Variants in TAP1 observed in about 807,000 individuals in gnomAD.
TAP1 encodes the protein transporter 1, ATP binding cassette subfamily B member, also known as antigen peptide transporter 1.
TAP1 carries 56 observed loss-of-function variants against 79.3 expected under a neutral mutation model. The observed-to-expected ratio is 0.71, with a 90% CI of 0.57 to 0.88. The LOEUF is 0.88. TAP1 is among the 40% of genes least tolerant of loss of function. The pLI, the probability that TAP1 is intolerant of heterozygous loss-of-function variation, is 0.00. For missense variants in TAP1, 737 were observed against 936.3 expected (o/e 0.79, Z 2.78); for synonymous variants, 355 against 401.4 (o/e 0.88, Z 1.38).
chr6:32,852,448 T>A lies in TAP1; in HGVS notation c.653A>T (p.Asp218Val), dbSNP rs1257807872. Residue 218 changes from aspartate (D) to valine (V), a missense_variant, in exon 2 of 11, where the codon GAT becomes GTT. Physicochemically the swap from Asp to Val is radical, Grantham distance 152. Coordinates refer to ENST00000354258, the MANE Select transcript of TAP1 (RefSeq NM_000593.6). The surrounding 1 kb of genome is among the most constrained non-coding windows in gnomAD (Gnocchi z 4.8). ...TCGAGTGAAGGTATCGGCTGAGCCA[T>A]CTTGTAGAATCCAGTCAGTGAGGCG... ...TGRLTDWILQ[D>V]GSADTFTRNL... 1.2e-6 allele frequency: 2 copies of A among 1,612,864 alleles called. No homozygotes were observed. Among genetic ancestry groups the A allele is most frequent in the Non-Finnish European group, 8.5e-7 (1 of 1,180,032 alleles).
chr6:32,852,461 AG>A lies in TAP1; in HGVS notation c.639del (p.Trp214GlyfsTer15), dbSNP rs773638152. 1 of 1,613,062 alleles carries A rather than the reference AG, an allele frequency of 6.2e-7. No homozygotes were observed. The highest frequency in any genetic ancestry group is 8.5e-7 in the Non-Finnish European group (1 of 1,180,028). ...TCGGCTGAGCCATCTTGTAGAATCCAGTCAGTGAGGCGGCCCGTAAAGAATG... is the reference window on the plus strand; with the variant it reads ...TCGGCTGAGCCATCTTGTAGAATCCATCAGTGAGGCGGCCCGTAAAGAATG... ...AIPFFTGRLT[D>X]WILQDGSADT... On this transcript the variant is annotated frameshift_variant, in exon 2 of 11. Transcript: ENST00000354258. LOFTEE classifies it high-confidence loss of function. This position sits in a 1 kb window ranked among gnomAD's most constrained non-coding sequence, Gnocchi z 4.8.
At position 32,853,527 on chromosome 6, in the gene TAP1, C is replaced by G. The variant is rs772850174; in HGVS notation, c.110G>C (p.Arg37Pro). 8.7e-6 allele frequency: 14 copies of G among 1,609,442 alleles called. No homozygotes were observed. The African/African-American group carries it at 1.7e-4, about 20-fold the overall frequency. ...LLLLADWVLL[R>P]TALPRIFSLL... is the part of the protein sequence containing the mutation. The stretch of plus-strand genomic sequence containing the variant: ...GGAGAATATGCGGGGCAGCGCGGTC[C>G]GGAGCAGCACCCAGTCGGCGAGAAG... The change falls in exon 1 of 11, where the codon CGG (arginine) becomes CCG (proline). Residue 37 changes from arginine to proline, a missense_variant. This residue lies in a region of TAP1 where 45 missense variants were observed against 60.2 expected (regional missense o/e 0.75). Coordinates refer to ENST00000354258, the MANE Select transcript of TAP1 (RefSeq NM_000593.6). This position sits in a 1 kb window ranked among gnomAD's most constrained non-coding sequence, Gnocchi z 8.3.
Position 32,851,101 on chromosome 6 carries a change from G to C in TAP1, c.893C>G (p.Ser298Cys). The C allele has an allele frequency of 6.2e-7, 1 of 1,613,062 alleles. No individual in the cohort carries two copies. ...AAATAAGCTCAGATTCTCACTCAGA[G>C]AATCACTCAGGGTGGACGTGTCCTC... ...VTEDTSTLSD[S>C]LSENLSLFLW... The change falls in exon 4 of 11, where the codon TCT (serine) becomes TGT (cysteine). Residue 298 changes from serine (S) to cysteine (C), a missense_variant. Ser to Cys is a moderately radical substitution (Grantham distance 112, BLOSUM62 -1). Around this residue, in one of 5 missense-constraint regions of TAP1, gnomAD observed 406 missense variants for 477.2 expected, o/e 0.85. Transcript: ENST00000354258. This position sits in a 1 kb window ranked among gnomAD's most constrained non-coding sequence, Gnocchi z 4.8.
intron 7 of TAP1, 66 bp downstream of exon 7, chr6:32,848,586 G>T: frequency 6.4e-7 from 1 of 1,564,616 alleles, no homozygotes. Flanking sequence ...CTGAAGGCAG[G>T]AAGAAAATTT....
Position 32,847,649 on chromosome 6 carries a change from C to T in TAP1, c.1767G>A (p.Gln589=), listed in dbSNP as rs1310583529. 1 of 1,613,812 alleles carries T rather than the reference C, an allele frequency of 6.2e-7. No individual in the cohort carries two copies. The highest frequency in any genetic ancestry group is 8.5e-7 in the Non-Finnish European group (1 of 1,180,036). ...RQVAAVGQEP[Q]VFGRSLQENI... is the part of the protein sequence containing the mutation. ...TTTCTTGAAGACTTCTTCCAAATAC[C>T]TGTGGCTCTTGTCCCACTGCAGCCA... Residue 589 remains glutamine, a synonymous_variant, in exon 9 of 11, where the codon CAG becomes CAA. Coordinates refer to ENST00000354258, the MANE Select transcript of TAP1 (RefSeq NM_000593.6). This position sits in a 1 kb window ranked among gnomAD's most constrained non-coding sequence, Gnocchi z 4.7.
chr6:32,847,265 C>T lies in TAP1; in HGVS notation c.1904-61G>A. 6.2e-7 allele frequency: 1 copy of T among 1,603,034 alleles called. No homozygotes were observed. Among genetic ancestry groups the T allele is most frequent in the Non-Finnish European group, 8.5e-7 (1 of 1,177,036 alleles). ...CCACATGTGTGCACGCATGTACATG[C>T]ACACAGACACACTCATGCATTCACG... On this transcript the variant is annotated intron_variant, in intron 9 of 10. Transcript: ENST00000354258. The surrounding 1 kb of genome is among the most constrained non-coding windows in gnomAD (Gnocchi z 4.7).
chr6:32,847,440 G>A lies in TAP1; in HGVS notation c.1903+73C>T, dbSNP rs1234784963. 5 of 1,603,970 alleles carry A rather than the reference G, an allele frequency of 3.1e-6. No individual in the cohort carries two copies. The East Asian group carries it at 1.1e-4, about 36-fold the overall frequency. On this transcript the variant is annotated intron_variant, in intron 9 of 10. Coordinates refer to ENST00000354258, the MANE Select transcript of TAP1 (RefSeq NM_000593.6). The surrounding 1 kb of genome is among the most constrained non-coding windows in gnomAD (Gnocchi z 4.7). Reference sequence around the variant, plus strand: ...TGTCCATGAGTAAGGAGGAACTGAAGGATAAAGGCAAGACTACTGGGGTTT... The same window carrying A: ...TGTCCATGAGTAAGGAGGAACTGAAAGATAAAGGCAAGACTACTGGGGTTT...
Position 32,845,602 on chromosome 6 carries a change from C to T in TAP1, c.2224G>A (p.Ala742Thr). The T allele has an allele frequency of 6.2e-7, 1 of 1,613,106 alleles. No individual in the cohort carries two copies. The highest frequency in any genetic ancestry group is 8.5e-7 in the Non-Finnish European group (1 of 1,180,034). The change falls in exon 11 of 11, where the codon GCT becomes ACT. Residue 742 changes from alanine (A) to threonine (T), a missense_variant. Coordinates refer to ENST00000354258, the MANE Select transcript of TAP1 (RefSeq NM_000593.6). This position sits in a 1 kb window ranked among gnomAD's most constrained non-coding sequence, Gnocchi z 4.5. ...TTTCATTCTGGAGCATCTGCAGGAG[C>T]CTGCACCATGGCCCAGTAGCACCCC... Reference protein sequence around the residue: ...KKGCYWAMVQAPADAPE With the variant: ...KKGCYWAMVQTPADAPE
Position 32,850,455 on chromosome 6 carries a change from C to T in TAP1, c.1113G>A (p.Leu371=). The T allele has an allele frequency of 1.2e-6, 2 of 1,614,202 alleles. No individual in the cohort carries two copies. The highest frequency in any genetic ancestry group is 1.7e-6 in the Non-Finnish European group (2 of 1,180,044). ...AKSSQVAIEA[L]SAMPTVRSFA... ...AGCTTCGAACTGTAGGCATGGCCGA[C>T]AGAGCCTCAATGGCCACCTGGCTGG... Residue 371 remains leucine, a synonymous_variant, in exon 5 of 11, where the codon CTG becomes CTA. Transcript: ENST00000354258. The surrounding 1 kb of genome is among the most constrained non-coding windows in gnomAD (Gnocchi z 5.5).
chr6:32,850,908 G>C lies in TAP1; in HGVS notation c.1050+36C>G. ...TGAGTCTGCCAAGTCTGGGAGATGAGGGTCTGTGTAGAGCGGGCCAACTCC... is the reference window on the plus strand; with the variant it reads ...TGAGTCTGCCAAGTCTGGGAGATGACGGTCTGTGTAGAGCGGGCCAACTCC... On this transcript the variant is annotated intron_variant, in intron 4 of 10. Transcript: ENST00000354258. The surrounding 1 kb of genome is among the most constrained non-coding windows in gnomAD (Gnocchi z 5.5). 6.3e-7 allele frequency: 1 copy of C among 1,577,904 alleles called. No individual in the cohort carries two copies. Among genetic ancestry groups the C allele is most frequent in the Non-Finnish European group, 8.7e-7 (1 of 1,149,708 alleles).
At position 32,849,352 on chromosome 6, in the gene TAP1, C is replaced by A; in HGVS notation, c.1249-234G>T. The A allele has an allele frequency of 8.2e-6, 5 of 608,056 alleles. No individual in the cohort carries two copies. The South Asian group carries it at 9.8e-5, about 12-fold the overall frequency. The allele number at this position is 608,056 out of a possible 1,614,324, so 37.7% of individuals were successfully genotyped here. A position where few individuals can be genotyped will look rare whatever the true frequency, so the allele number is the denominator to read the frequency against. On this transcript the variant is annotated intron_variant, in intron 5 of 10. Coordinates refer to ENST00000354258, the MANE Select transcript of TAP1 (RefSeq NM_000593.6). ...CACCACTATCACCTTGTCTGGGGAGCATTTTACTCTTCACAAAAGGCTTTC... is the reference window on the plus strand; with the variant it reads ...CACCACTATCACCTTGTCTGGGGAGAATTTTACTCTTCACAAAAGGCTTTC...
intron 7 of TAP1, 74 bp from the exon 8 acceptor site, chr6:32,848,166 T>A (rs61627691): frequency 3.9e-6 from 6 of 1,519,362 alleles, no homozygotes; most frequent in Non-Finnish European, 5.4e-6. Context: ...CCTTGTTACA[T>A]AGCATGATGT....
intron 10 of TAP1, chr6:32,846,105 A>C: frequency 2.3e-6 from 1 of 441,580 alleles, no homozygotes; most frequent in Admixed American, 3.5e-5. Context: ...AGGAAATATA[A>C]CTTAGTAGTA....
Position 32,847,972 on chromosome 6 carries a change from G to C in TAP1, c.1687C>G (p.Leu563Val), listed in dbSNP as rs756322127. ...TGGGGAAGGGGCTTCCCATCCAACA[G>C]CAGCTGTCCCCCGGTGGGCTGGTAC... ...NLYQPTGGQL[L>V]LDGKPLPQYE... The change falls in exon 8 of 11, where the codon CTG becomes GTG. Residue 563 changes from leucine (L) to valine (V), a missense_variant. By Grantham distance (32) the Leu-to-Val change is conservative. Transcript: ENST00000354258. The surrounding 1 kb of genome is among the most constrained non-coding windows in gnomAD (Gnocchi z 4.7). 6.2e-7 allele frequency: 1 copy of C among 1,613,102 alleles called. No homozygotes were observed. The highest frequency in any genetic ancestry group is 8.5e-7 in the Non-Finnish European group (1 of 1,180,034).
At position 32,852,521 on chromosome 6, in the gene TAP1, G is replaced by A. The variant is rs1473925143; in HGVS notation, c.599-19C>T. Reference sequence around the variant, plus strand: ...ATCTCCCCTGGAGAAAGAGAAGAGAGGTCACGCACAAATATTAAGTCTAAG... The same window carrying A: ...ATCTCCCCTGGAGAAAGAGAAGAGAAGTCACGCACAAATATTAAGTCTAAG... On this transcript the variant is annotated intron_variant, in intron 1 of 10. Transcript: ENST00000354258. The surrounding 1 kb of genome is among the most constrained non-coding windows in gnomAD (Gnocchi z 4.8). 3.7e-6 allele frequency: 6 copies of A among 1,612,698 alleles called. No individual in the cohort carries two copies. Among genetic ancestry groups the A allele is most frequent in the Non-Finnish European group, 4.2e-6 (5 of 1,179,938 alleles).
rs893300612 is a variant in TAP1 at position 32,850,654 on chromosome 6, C to T, written c.1051-137G>A. ...AAAAGAGAAAGAGACACAGCTATGC[C>T]CCTTGGATGCTAAAGAAATACGAGG... On this transcript the variant is annotated intron_variant, in intron 4 of 10. Transcript: ENST00000354258. The surrounding 1 kb of genome is among the most constrained non-coding windows in gnomAD (Gnocchi z 5.5). 8.6e-6 allele frequency: 7 copies of T among 812,790 alleles called. No individual in the cohort carries two copies. Among genetic ancestry groups the T allele is most frequent in the Non-Finnish European group, 1.4e-5 (7 of 489,886 alleles). 50.3% of individuals were successfully genotyped at this position (812,790 alleles called of 1,614,324 possible). A position where few individuals can be genotyped will look rare whatever the true frequency, so the allele number is the denominator to read the frequency against.
Position 32,845,496 on chromosome 6 carries a change from A to G in TAP1, c.*83T>C. The G allele has an allele frequency of 6.8e-7, 1 of 1,476,312 alleles. No homozygotes were observed. Among genetic ancestry groups the G allele is most frequent in the Non-Finnish European group, 9.4e-7 (1 of 1,060,210 alleles). 91.5% of individuals were successfully genotyped at this position (1,476,312 alleles called of 1,614,324 possible). ...ATTTCAAGTAACTCATCCTGGAGGC[A>G]GCTGCCTACTCTGCAGCTGTGGTTC... On this transcript the variant is annotated 3_prime_UTR_variant, in exon 11 of 11. Transcript: ENST00000354258. The surrounding 1 kb of genome is among the most constrained non-coding windows in gnomAD (Gnocchi z 4.5).
intron 5 of TAP1, chr6:32,849,388 T>A (rs1269900677): frequency 1.8e-6 from 1 of 563,618 alleles, no homozygotes; most frequent in Non-Finnish European, 3.2e-6. Context: ...ATTCATGTGA[T>A]GTCAGCTAAT....
chr6:32,850,072 C>T lies in TAP1; in HGVS notation c.1248+248G>A. On this transcript the variant is annotated intron_variant, in intron 5 of 10. Coordinates refer to ENST00000354258, the MANE Select transcript of TAP1 (RefSeq NM_000593.6). The surrounding 1 kb of genome is among the most constrained non-coding windows in gnomAD (Gnocchi z 5.5). Reference sequence around the variant, plus strand: ...GAAGGCCCTAGGACTGGAAGACACGCATCTCTCCAATCCACATGGTTGGGT... The same window carrying T: ...GAAGGCCCTAGGACTGGAAGACACGTATCTCTCCAATCCACATGGTTGGGT... 1 of 598,816 alleles carries T rather than the reference C, an allele frequency of 1.7e-6. No individual in the cohort carries two copies. Among genetic ancestry groups the T allele is most frequent in the Non-Finnish European group, 3.0e-6 (1 of 334,998 alleles). The allele number at this position is 598,816 out of a possible 1,614,324, so 37.1% of individuals were successfully genotyped here.
Sources: gnomAD v4.1 joint callset for allele counts on GRCh38, gnomAD v4.1.1 for gene constraint, gnomAD v4.1.1 regional missense constraint, Gnocchi (gnomAD v3.1) non-coding constraint, MANE v1.5 for transcripts, NCBI Gene and HGNC (gene_info 2026-07-23, HGNC 2026-07-21) for gene names.